Variants in HAVCR2 observed in about 807,000 individuals in gnomAD.
The protein encoded by HAVCR2 is T cell immunoglobulin mucin 3.
In HAVCR2, 13 loss-of-function variants were observed where a neutral mutation model predicts 24.7. The observed-to-expected ratio is 0.53, with a 90% CI of 0.34 to 0.84. The LOEUF (loss-of-function observed/expected upper bound fraction) is 0.84, where lower values mean the gene tolerates loss of function less well. HAVCR2 is among the 40% of genes least tolerant of loss of function. The pLI, the probability that HAVCR2 is intolerant of heterozygous loss-of-function variation, is 0.01. For synonymous variants in HAVCR2, 154 were observed against 143.4 expected (o/e 1.07, Z -0.53); for missense variants, 343 against 371.2 (o/e 0.92, Z 0.62).
chr5:157,087,980 C>T (rs535136589), intron 6 of HAVCR2, among the ~76,000 whole-genome samples: 1 of 151,746 alleles, frequency 6.6e-6, no homozygotes, highest in South Asian at 2.1e-4. Flanking sequence ...TTGTTTGATG[C>T]TGGGTCTTTC....
intron 5 of HAVCR2, among the ~76,000 whole-genome samples, chr5:157,094,298 G>A: frequency 6.6e-6 from 1 of 151,912 alleles, no homozygotes; most frequent in East Asian, 1.9e-4. Context: ...TCTCACCTCA[G>A]CTTCCGAAAG....
intron 5 of HAVCR2, among the ~76,000 whole-genome samples, chr5:157,090,322 G>A (rs942646312): frequency 9.2e-5 from 14 of 151,796 alleles, no homozygotes; most frequent in Admixed American, 2.6e-4. Context: ...TGGGCTGGAT[G>A]CAGTGGCTCA....
chr5:157,089,547 A>AC (rs1208907607), intron 5 of HAVCR2, among the ~76,000 whole-genome samples: 4 of 151,988 alleles, frequency 2.6e-5, no homozygotes, highest in Admixed American at 6.6e-5. Context: ...AAAAAAAAAA[A>AC]AACAACAACA....
At chr5:157,100,474 A>C (rs1452285794) in intron 3 of HAVCR2, among the ~76,000 whole-genome samples, 5 of 152,090 alleles carry the variant, frequency 3.3e-5, no homozygotes, top group Non-Finnish European at 7.4e-5. Context: ...CTATGCCCTT[A>C]CTCTAGGCAC....
At chr5:157,101,771 AT>A (rs397797524) in intron 3 of HAVCR2, among the ~76,000 whole-genome samples, 2,971 of 125,076 alleles carry the variant, frequency 0.024, 80 homozygotes, top group African/African-American at 0.075. Flanking sequence ...GCTCTACTCC[AT>A]TTTTTTTTTT....
At chr5:157,099,798 C>T (rs1409871102) in intron 3 of HAVCR2, among the ~76,000 whole-genome samples, 3 of 152,010 alleles carry the variant, frequency 2.0e-5, no homozygotes, top group East Asian at 1.9e-4. Context: ...TGAGTTCAAG[C>T]GATTCTCCTG....
chr5:157,100,469 C>T (rs184615567), intron 3 of HAVCR2, among the ~76,000 whole-genome samples: 1 of 152,254 alleles, frequency 6.6e-6, no homozygotes, highest in Admixed American at 6.5e-5. Flanking sequence ...ATGCACTATG[C>T]CCTTACTCTA....
intron 1 of HAVCR2, 37 bp downstream of exon 1, chr5:157,108,889 C>A: frequency 6.2e-7 from 1 of 1,601,140 alleles, no homozygotes; most frequent in South Asian, 1.1e-5. Context: ...CTGTACAGCA[C>A]CATTATGTCA....
Position 157,108,994 on chromosome 5 carries a change from G to A in HAVCR2, c.-11C>T. On this transcript the variant is annotated 5_prime_UTR_variant, in exon 1 of 7. Coordinates refer to ENST00000307851, the MANE Select transcript of HAVCR2 (RefSeq NM_032782.5). ...AAGATGTGAAAACATGGAGCTTGCA[G>A]AAGAAAAGTCAGAGGACACCTCTGT... 2 of 1,614,048 alleles carry A rather than the reference G, an allele frequency of 1.2e-6. No individual in the cohort carries two copies. The highest frequency in any genetic ancestry group is 1.7e-6 in the Non-Finnish European group (2 of 1,179,892).
intron 4 of HAVCR2, among the ~76,000 whole-genome samples, chr5:157,096,001 G>A (rs1412353569): frequency 6.6e-6 from 1 of 151,452 alleles, no homozygotes; most frequent in Non-Finnish European, 1.5e-5. Flanking sequence ...CTAGGCAGGC[G>A]GATCACCTGA....
At chr5:157,093,846 G>A (rs1757050181) in intron 5 of HAVCR2, among the ~76,000 whole-genome samples, 2 of 152,062 alleles carry the variant, frequency 1.3e-5, no homozygotes. Context: ...TCTGGAAGCT[G>A]AGTCAGGAGA....
intron 2 of HAVCR2, among the ~76,000 whole-genome samples, chr5:157,105,744 T>C (rs1431347222): frequency 1.3e-5 from 2 of 152,180 alleles, no homozygotes; most frequent in African/African-American, 4.8e-5. Context: ...CCAGCATACA[T>C]GCATAACCCA....
intron 6 of HAVCR2, among the ~76,000 whole-genome samples, chr5:157,087,963 T>C (rs999085965): frequency 1.3e-5 from 2 of 152,116 alleles, no homozygotes; most frequent in African/African-American, 4.8e-5. Context: ...GAGGTTTTTG[T>C]TTTGTTTTGT....
intron 6 of HAVCR2, among the ~76,000 whole-genome samples, chr5:157,087,726 A>C (rs1177547626): frequency 1.3e-5 from 2 of 151,968 alleles, no homozygotes; most frequent in Non-Finnish European, 2.9e-5. Flanking sequence ...CAACATAGTG[A>C]AACCCCGTCT....
chr5:157,093,086 T>C (rs1468282185), intron 5 of HAVCR2, among the ~76,000 whole-genome samples: 2 of 141,158 alleles, frequency 1.4e-5, no homozygotes, highest in Non-Finnish European at 3.0e-5. Context: ...AATAAATATA[T>C]ATATATATGT....
At chr5:157,107,007 G>A in intron 1 of HAVCR2, 45 bp from the exon 2 acceptor site, 1 of 1,497,274 alleles carries the variant, frequency 6.7e-7, no homozygotes, top group Non-Finnish European at 9.1e-7. Flanking sequence ...CGGTGAGTGA[G>A]GTTACTCCAT....
At chr5:157,094,348 GTATT>G (rs571539256) in intron 5 of HAVCR2, among the ~76,000 whole-genome samples, 19 of 150,812 alleles carry the variant, frequency 1.3e-4, no homozygotes, top group Non-Finnish European at 8.9e-5. Context: ...CCTGGCCATT[GTATT>G]TATTTATTTA....
At chr5:157,098,339 G>A (rs1365633598) in intron 4 of HAVCR2, among the ~76,000 whole-genome samples, 2 of 151,886 alleles carry the variant, frequency 1.3e-5, no homozygotes, top group African/African-American at 2.4e-5. Context: ...CCCGGGAGGC[G>A]GAGGTTGAGG....
intron 3 of HAVCR2, among the ~76,000 whole-genome samples, chr5:157,102,016 G>A (rs181381091): frequency 1.5e-4 from 22 of 142,464 alleles, no homozygotes; most frequent in Admixed American, 1.0e-3. Context: ...GTGAGATCTC[G>A]GTTCACTCCT....
Sources: gnomAD v4.1 joint callset for allele counts (sites outside exome capture counted in the v4.1 genomes callset) on GRCh38, gnomAD v4.1.1 for gene constraint, MANE v1.5 for transcripts, NCBI Gene and HGNC (gene_info 2026-07-23, HGNC 2026-07-21) for gene names.